COL6A6: variants seen among roughly 807,000 people sequenced by gnomAD.
COL6A6 encodes collagen type VI alpha 6 chain, also known as collagen alpha-6(VI) chain.
A neutral mutation model predicts 208.6 loss-of-function variants in COL6A6; 183 were observed. That is an observed-to-expected ratio of 0.88 (90% confidence interval 0.78 to 0.99). The LOEUF (loss-of-function observed/expected upper bound fraction) is 0.99, where lower values mean the gene tolerates loss of function less well. Ranked by LOEUF, COL6A6 falls within the 50% of genes least tolerant of loss-of-function variation. The pLI is 0.00. For missense variants in COL6A6, 2,816 were observed against 2,815.2 expected (o/e 1.00, Z -0.01); for synonymous variants, 973 against 1,011.8 (o/e 0.96, Z 0.73).
At chr3:130,641,077 G>A (rs541622265) in intron 28 of COL6A6, among the ~76,000 whole-genome samples, 58 of 152,312 alleles carry the variant, frequency 3.8e-4, no homozygotes, top group African/African-American at 1.3e-3. Flanking sequence ...GATTATTAAT[G>A]CCTGACAGTA....
intron 1 of COL6A6, among the ~76,000 whole-genome samples, chr3:130,539,507 G>A (rs1237439462): frequency 3.9e-5 from 6 of 152,042 alleles, no homozygotes; most frequent in African/African-American, 9.7e-5. Flanking sequence ...GGTGGTGGGC[G>A]CCTATAGTCC....
At chr3:130,546,857 A>C (rs1214836677) in intron 1 of COL6A6, among the ~76,000 whole-genome samples, 1 of 152,312 alleles carries the variant, frequency 6.6e-6, no homozygotes, top group East Asian at 1.9e-4. Context: ...TCAAGTCCCC[A>C]CTAGATTAGC....
At chr3:130,656,728 C>T (rs1038151418) in intron 33 of COL6A6, among the ~76,000 whole-genome samples, 3 of 152,204 alleles carry the variant, frequency 2.0e-5, no homozygotes, top group Admixed American at 2.0e-4. Flanking sequence ...TGAGGGGTGC[C>T]TACAGGCCAG....
At chr3:130,658,302 A>G (rs1394477646) in intron 33 of COL6A6, among the ~76,000 whole-genome samples, 1 of 152,166 alleles carries the variant, frequency 6.6e-6, no homozygotes, top group African/African-American at 2.4e-5. Flanking sequence ...GGGGATGATG[A>G]GCATAACTCA....
rs956652622 is a variant in COL6A6, at chr3:130,676,836, T to C, written c.*1439T>C. The C allele has an allele frequency of 6.6e-6, 1 of 152,238 alleles. No homozygotes were observed. The allele number at this position is 152,238 out of a possible 1,614,324, so 9.4% of individuals were successfully genotyped here. On this transcript the variant is annotated 3_prime_UTR_variant, in exon 37 of 37. Coordinates refer to ENST00000358511, the MANE Select transcript of COL6A6 (RefSeq NM_001102608.3). ...TAAAACACATCAGGTTTGCTTCATC[T>C]ATCCTAAGTGGTGCTTAGGGGTTCA...
chr3:130,547,441 C>T (rs2062539879), intron 1 of COL6A6, among the ~76,000 whole-genome samples: 1 of 152,230 alleles, frequency 6.6e-6, no homozygotes, highest in African/African-American at 2.4e-5. Context: ...GCCTGTGCCT[C>T]TCCCTCCACA....
intron 35 of COL6A6, among the ~76,000 whole-genome samples, chr3:130,664,679 CTT>C (rs1034526839): frequency 3.3e-5 from 5 of 152,102 alleles, no homozygotes; most frequent in Admixed American, 1.3e-4. Flanking sequence ...AATAACTACT[CTT>C]GTTAGTTTAT....
intron 23 of COL6A6, 107 bp downstream of exon 23, chr3:130,610,818 G>C: frequency 1.3e-6 from 1 of 771,554 alleles, no homozygotes; most frequent in Non-Finnish European, 2.1e-6. Flanking sequence ...AACCAGGAAC[G>C]TGTATTAGGT....
At chr3:130,624,449 A>G (rs1376403893) in intron 24 of COL6A6, among the ~76,000 whole-genome samples, 1 of 152,224 alleles carries the variant, frequency 6.6e-6, no homozygotes, top group Non-Finnish European at 1.5e-5. Flanking sequence ...AATGGGGATG[A>G]CAAGAAGTCA....
intron 1 of COL6A6, among the ~76,000 whole-genome samples, chr3:130,538,090 C>A (rs1247181146): frequency 1.3e-5 from 2 of 152,140 alleles, no homozygotes; most frequent in Non-Finnish European, 2.9e-5. Flanking sequence ...AGCTTTGCCT[C>A]AAGGAAAGCA....
At chr3:130,626,413 T>G (rs1360323894) in intron 24 of COL6A6, 72 bp from the exon 25 acceptor site, 2 of 1,046,268 alleles carry the variant, frequency 1.9e-6, no homozygotes, top group Non-Finnish European at 3.0e-6. Context: ...TTGTGTGTGA[T>G]CCACACAGAT....
chr3:130,647,411 A>C (rs924103096), intron 32 of COL6A6, among the ~76,000 whole-genome samples: 5 of 152,196 alleles, frequency 3.3e-5, no homozygotes, highest in African/African-American at 1.2e-4. Context: ...ACCACCCCCC[A>C]AAAAATCAGA....
chr3:130,539,632 C>CAAAAAA (rs67040926), intron 1 of COL6A6, among the ~76,000 whole-genome samples: 3 of 137,432 alleles, frequency 2.2e-5, no homozygotes, highest in South Asian at 2.3e-4. Context: ...GACTCCGTCT[C>CAAAAAA]AAAAAAAAAA....
intron 32 of COL6A6, 52 bp from the exon 33 acceptor site, chr3:130,649,017 T>C (rs76643179): frequency 6.3e-6 from 2 of 317,742 alleles, no homozygotes; most frequent in South Asian, 8.6e-5. Context: ...TCTATGTATC[T>C]TTTTTTTTTT....
intron 33 of COL6A6, among the ~76,000 whole-genome samples, chr3:130,656,922 G>A (rs1022806101): frequency 6.6e-6 from 1 of 152,262 alleles, no homozygotes; most frequent in Non-Finnish European, 1.5e-5. Context: ...AGCAGGTGCT[G>A]GAGCAGAGAG....
chr3:130,616,552 GAA>G (rs35307177), intron 23 of COL6A6, among the ~76,000 whole-genome samples: 4,209 of 120,762 alleles, frequency 0.035, 62 homozygotes, highest in Middle Eastern at 0.061. Flanking sequence ...ATCAATGCCT[GAA>G]AAAAAAAAAA....
At chr3:130,659,786 A>G (rs959727191) in intron 34 of COL6A6, among the ~76,000 whole-genome samples, 2 of 152,222 alleles carry the variant, frequency 1.3e-5, no homozygotes, top group South Asian at 2.1e-4. Flanking sequence ...CTTCACATGT[A>G]TCAGTGAGAT....
In COL6A6 at chr3:130,663,385, CAT is replaced by C. The variant is rs1414583920; in HGVS notation, c.6502+1080_6502+1081del. ...ATATTATAAAGATCCCCAGGTGACT[CAT>C]ATGTATATTATGGTTTGAGAAACAC... On this transcript the variant is annotated intron_variant, in intron 35 of 36. Transcript: ENST00000358511. Among the ~76,000 whole-genome samples, 4 of 152,130 alleles carry C rather than the reference CAT, an allele frequency of 2.6e-5. No individual in the cohort carries two copies. In the East Asian group the frequency reaches 5.8e-4, roughly 22 times the overall value.
At chr3:130,642,362 A>G (rs2065340592) in intron 29 of COL6A6, among the ~76,000 whole-genome samples, 1 of 151,988 alleles carries the variant, frequency 6.6e-6, no homozygotes. Flanking sequence ...GTCAGCTAAC[A>G]AATGATGGGA....
Sources: gnomAD v4.1 joint callset for allele counts (sites outside exome capture counted in the v4.1 genomes callset) on GRCh38, gnomAD v4.1.1 for gene constraint, MANE v1.5 for transcripts, NCBI Gene and HGNC (gene_info 2026-07-23, HGNC 2026-07-21) for gene names.